DLG2: variants seen among roughly 807,000 people sequenced by gnomAD.
The protein encoded by DLG2 is discs large MAGUK scaffold protein 2, also known as disks large homolog 2.
In DLG2, 45 loss-of-function variants were observed where a neutral mutation model predicts 132.5. That is an observed-to-expected ratio of 0.34 (90% confidence interval 0.27 to 0.44). DLG2 has a LOEUF of 0.44. DLG2 is among the 20% of genes least tolerant of loss of function. DLG2 has a pLI of 1.00. For missense variants in DLG2, 1,045 were observed against 1,196.9 expected, an observed-to-expected ratio of 0.87 and a Z score of 1.87; for synonymous variants, 424 against 419.6, an observed-to-expected ratio of 1.01 and a Z score of -0.13.
At chr11:84,832,841 C>G (rs912639575) in intron 6 of DLG2, among the ~76,000 whole-genome samples, 11 of 151,532 alleles carry the variant, frequency 7.3e-5, no homozygotes, top group Non-Finnish European at 1.5e-4. Flanking sequence ...TGGATTATAT[C>G]CGTGGCATTT....
Position 85,559,818 on chromosome 11 carries a change from TGATAGATAGATAGATA to T in DLG2, c.40+38823_40+38838del, listed in dbSNP as rs59676725. Among the ~76,000 whole-genome samples, 240 of 144,444 alleles carry T rather than the reference TGATAGATAGATAGATA, an allele frequency of 1.7e-3. 4 individuals are homozygous for T. Among genetic ancestry groups the T allele is most frequent in the African/African-American group, 5.6e-3 (225 of 40,216 alleles). The allele number at this position is 144,444 out of a possible 152,430, so 94.8% of individuals were successfully genotyped here. A position where few individuals can be genotyped will look rare whatever the true frequency, so the allele number is the denominator to read the frequency against. ...GATAGATGGTGATTAGTTAGATGAT[TGATAGATAGATAGATA>T]GATAGATAGATAGATAGATAGATAG... On this transcript the variant is annotated intron_variant, in intron 3 of 27. Transcript: ENST00000376104.
intron 3 of DLG2, among the ~76,000 whole-genome samples, chr11:85,359,280 G>A (rs1565375928): frequency 6.6e-6 from 1 of 152,184 alleles, no homozygotes; most frequent in Non-Finnish European, 1.5e-5. Flanking sequence ...TTCAACATAT[G>A]TCTTCACTCT....
At chr11:84,681,853 C>T (rs2153708793) in intron 6 of DLG2, among the ~76,000 whole-genome samples, 1 of 151,462 alleles carries the variant, frequency 6.6e-6, no homozygotes, top group South Asian at 2.1e-4. Flanking sequence ...ACCCTCTTTT[C>T]TTTGCTGACT....
intron 3 of DLG2, among the ~76,000 whole-genome samples, chr11:85,380,321 T>A (rs1596685392): frequency 6.6e-6 from 1 of 152,226 alleles, no homozygotes; most frequent in East Asian, 1.9e-4. Context: ...TTTTATTTCA[T>A]TAAGGTAAAT....
intron 5 of DLG2, among the ~76,000 whole-genome samples, chr11:85,145,338 T>C (rs1212428990): frequency 3.3e-5 from 5 of 152,176 alleles, no homozygotes; most frequent in Admixed American, 2.6e-4. Context: ...TAATTTTCTA[T>C]GACCTTCGTC....
At chr11:84,674,192 T>C (rs2099708953) in intron 6 of DLG2, among the ~76,000 whole-genome samples, 1 of 152,140 alleles carries the variant, frequency 6.6e-6, no homozygotes, top group Non-Finnish European at 1.5e-5. Flanking sequence ...TATGCATTCA[T>C]GTTGCTACTG....
intron 3 of DLG2, among the ~76,000 whole-genome samples, chr11:85,396,715 A>T (rs2087412816): frequency 6.6e-6 from 1 of 152,336 alleles, no homozygotes; most frequent in Admixed American, 6.5e-5. Context: ...AACTGAGAAG[A>T]AAAGGTTAGA....
chr11:83,908,836 TG>T (rs1208282328), intron 15 of DLG2, among the ~76,000 whole-genome samples: 1 of 152,080 alleles, frequency 6.6e-6, no homozygotes, highest in Non-Finnish European at 1.5e-5. Context: ...TAGGCTCAAG[TG>T]ATTCTCCCAC....
At chr11:84,426,312 C>T (rs560733020) in intron 7 of DLG2, among the ~76,000 whole-genome samples, 1 of 152,176 alleles carries the variant, frequency 6.6e-6, no homozygotes, top group East Asian at 1.9e-4. Context: ...CAAAAAAATT[C>T]CTAAACCTCA....
intron 6 of DLG2, among the ~76,000 whole-genome samples, chr11:84,674,093 T>C (rs2099708858): frequency 1.3e-5 from 2 of 152,118 alleles, no homozygotes; most frequent in Admixed American, 6.6e-5. Context: ...AAGACAAAAA[T>C]AGAATTGGGC....
intron 6 of DLG2, among the ~76,000 whole-genome samples, chr11:84,729,602 A>C (rs746811799): frequency 1.3e-5 from 2 of 151,836 alleles, no homozygotes; most frequent in African/African-American, 2.4e-5. Context: ...TAAGTCCTCT[A>C]TGTCCACTCA....
intron 5 of DLG2, chr11:85,132,683 G>A (rs2075817071): frequency 2.2e-6 from 1 of 455,466 alleles, no homozygotes; most frequent in African/African-American, 2.0e-5. Flanking sequence ...TGAACTGGCA[G>A]CACCTACTAG....
chr11:85,627,957 GC>G, upstream of DLG2: 1 of 152,892 alleles, frequency 6.5e-6, no homozygotes. Context: ...GCCTTGCAGT[GC>G]CCCCCACCCC....
intron 17 of DLG2, among the ~76,000 whole-genome samples, chr11:83,830,424 C>T (rs983845337): frequency 2.0e-4 from 31 of 152,294 alleles, no homozygotes; most frequent in African/African-American, 7.2e-4. Flanking sequence ...AAGCCTATGG[C>T]TTGGTGGATT....
chr11:84,007,783 T>C (rs920477558), intron 11 of DLG2, among the ~76,000 whole-genome samples: 2 of 151,740 alleles, frequency 1.3e-5, no homozygotes, highest in East Asian at 1.9e-4. Flanking sequence ...CCTTGTAATA[T>C]GTTGTTTAGC....
chr11:84,435,629 A>G (rs888356158), intron 7 of DLG2, among the ~76,000 whole-genome samples: 2 of 152,194 alleles, frequency 1.3e-5, no homozygotes, highest in Non-Finnish European at 2.9e-5. Context: ...AGGTAATTAA[A>G]TAATTTGAAC....
intron 18 of DLG2, among the ~76,000 whole-genome samples, chr11:83,674,818 A>T (rs1225688646): frequency 3.3e-5 from 5 of 152,240 alleles, no homozygotes; most frequent in Non-Finnish European, 7.3e-5. Flanking sequence ...AGGCAAGAAG[A>T]AATATACTTT....
chr11:83,742,660 A>G (rs1157933414), intron 18 of DLG2, among the ~76,000 whole-genome samples: 1 of 152,164 alleles, frequency 6.6e-6, no homozygotes, highest in African/African-American at 2.4e-5. Flanking sequence ...TACTTTCTGT[A>G]TGATACTCCT....
intron 6 of DLG2, among the ~76,000 whole-genome samples, chr11:84,661,191 AGTTTT>A (rs1212386594): frequency 6.6e-6 from 1 of 152,128 alleles, no homozygotes; most frequent in Admixed American, 6.5e-5. Flanking sequence ...CTTTGCAGGT[AGTTTT>A]GTTTTGTTTT....
Sources: gnomAD v4.1 joint callset for allele counts (sites outside exome capture counted in the v4.1 genomes callset) on GRCh38, gnomAD v4.1.1 for gene constraint, MANE v1.5 for transcripts, NCBI Gene and HGNC (gene_info 2026-07-23, HGNC 2026-07-21) for gene names.